Variants in CD1B observed in about 807,000 individuals in gnomAD.
CD1B encodes T-cell surface glycoprotein CD1b.
CD1B carries 43 observed loss-of-function variants against 39.8 expected under a neutral mutation model. That is an observed-to-expected ratio of 1.08 (90% confidence interval 0.85 to 1.39). The LOEUF (loss-of-function observed/expected upper bound fraction) is 1.39. Among genes scored for constraint, CD1B ranks in the 40% most tolerant of loss-of-function variants. The pLI is 0.00. For missense variants in CD1B, 495 were observed against 403.8 expected (o/e 1.23, Z -1.94); for synonymous variants, 192 against 152.5 (o/e 1.26, Z -1.91).
chr1:158,309,535 T>C, the CD1B span, among the ~76,000 whole-genome samples: 1 of 152,172 alleles, frequency 6.6e-6, no homozygotes, highest in African/African-American at 2.4e-5. Flanking sequence ...TGCACACATA[T>C]GTTTATTGAG....
At chr1:158,296,487 C>T in the CD1B span, among the ~76,000 whole-genome samples, 1 of 152,162 alleles carries the variant, frequency 6.6e-6, no homozygotes, top group Non-Finnish European at 1.5e-5. Flanking sequence ...AACATCAGCC[C>T]ACATAGATGA....
the CD1B span, among the ~76,000 whole-genome samples, chr1:158,304,438 A>T: frequency 5.3e-5 from 8 of 152,280 alleles, no homozygotes; most frequent in East Asian, 9.7e-4. Flanking sequence ...AACAAAGGCC[A>T]GGAAGCTCGA....
At chr1:158,315,121 G>A in the CD1B span, among the ~76,000 whole-genome samples, 29 of 152,008 alleles carry the variant, frequency 1.9e-4, 1 homozygote, top group South Asian at 5.0e-3. Context: ...AAACACACGT[G>A]TGCATGTGTC....
At chr1:158,298,920 G>A in the CD1B span, among the ~76,000 whole-genome samples, 1 of 152,150 alleles carries the variant, frequency 6.6e-6, no homozygotes, top group South Asian at 2.1e-4. Flanking sequence ...TTTGGGCTGA[G>A]GTGATGGGGT....
chr1:158,300,951 G>C, the CD1B span, among the ~76,000 whole-genome samples: 1 of 151,362 alleles, frequency 6.6e-6, no homozygotes, highest in Non-Finnish European at 1.5e-5. Flanking sequence ...ATATAGATGG[G>C]GTTTCACCAT....
At position 158,328,200 on chromosome 1, in the gene CD1B, A is replaced by G; in HGVS notation, c.*36T>C. 6.4e-7 allele frequency: 1 copy of G among 1,568,176 alleles called. No individual in the cohort carries two copies. Among genetic ancestry groups the G allele is most frequent in the Non-Finnish European group, 8.8e-7 (1 of 1,140,570 alleles). On this transcript the variant is annotated 3_prime_UTR_variant, in exon 6 of 6. Transcript: ENST00000368168. ...GGGCTGATATCTTGGGCTTCTTGGT[A>G]CTTATTGCGAATGGGAGAGGAGACA... is the stretch of plus-strand genomic sequence containing the variant.
the CD1B span, among the ~76,000 whole-genome samples, chr1:158,312,895 G>T: frequency 6.6e-6 from 1 of 152,128 alleles, no homozygotes; most frequent in Non-Finnish European, 1.5e-5. Flanking sequence ...TTGACTAGAA[G>T]TAGTGAAAGT....
chr1:158,292,922 G>C, the CD1B span: 1 of 1,581,550 alleles, frequency 6.3e-7, no homozygotes, highest in Non-Finnish European at 8.6e-7. Flanking sequence ...TGAGCCTAGA[G>C]GTTAGGGGAG....
At chr1:158,292,496 G>T in the CD1B span, 181 of 1,489,564 alleles carry the variant, frequency 1.2e-4, no homozygotes, top group Non-Finnish European at 1.5e-4. Flanking sequence ...TTTCTTAGAG[G>T]CAGGAAAAAG....
At chr1:158,313,355 A>T in the CD1B span, among the ~76,000 whole-genome samples, 1 of 152,110 alleles carries the variant, frequency 6.6e-6, no homozygotes, top group Non-Finnish European at 1.5e-5. Context: ...CTGTCACCCA[A>T]GCTGGAGTGC....
At chr1:158,314,539 AC>A in the CD1B span, among the ~76,000 whole-genome samples, 13 of 152,188 alleles carry the variant, frequency 8.5e-5, no homozygotes, top group Non-Finnish European at 1.5e-4. Flanking sequence ...TCCTTGAGCA[AC>A]ATGAGGTTAT....
At chr1:158,313,341 C>T in the CD1B span, among the ~76,000 whole-genome samples, 10 of 152,076 alleles carry the variant, frequency 6.6e-5, no homozygotes, top group Non-Finnish European at 1.5e-4. Flanking sequence ...GAAAGTGTCT[C>T]ACTCTGTCAC....
At position 158,331,509 on chromosome 1, in the gene CD1B, A is replaced by C; in HGVS notation, c.-86T>G. On this transcript the variant is annotated 5_prime_UTR_variant, in exon 1 of 6. Coordinates refer to ENST00000368168, the MANE Select transcript of CD1B (RefSeq NM_001764.3). Reference sequence around the variant, plus strand: ...AGCTTTTCCTCAGTACCCTGTAGTGACTTCTTCTCTCTTCCAACTGCCAAA... The same window carrying C: ...AGCTTTTCCTCAGTACCCTGTAGTGCCTTCTTCTCTCTTCCAACTGCCAAA... 9.2e-7 allele frequency: 1 copy of C among 1,083,794 alleles called. No homozygotes were observed. Among genetic ancestry groups the C allele is most frequent in the East Asian group, 2.5e-5 (1 of 40,508 alleles). 67.1% of individuals were successfully genotyped at this position (1,083,794 alleles called of 1,614,324 possible).
chr1:158,307,151 T>C, the CD1B span, among the ~76,000 whole-genome samples: 1 of 152,110 alleles, frequency 6.6e-6, no homozygotes. Context: ...AGCTGCTTTT[T>C]TGAAAAGATC....
chr1:158,289,994 G>A, the CD1B span: 9 of 1,399,714 alleles, frequency 6.4e-6, no homozygotes, highest in East Asian at 2.1e-4. Context: ...TATAGGTACA[G>A]AGGGATAAGT....
At chr1:158,327,214 G>A (rs1652387879), downstream of CD1B, among the ~76,000 whole-genome samples, 1 of 152,098 alleles carries the variant, frequency 6.6e-6, no homozygotes, top group Non-Finnish European at 1.5e-5. Context: ...TAGCTACAGA[G>A]CACTGATTGG....
chr1:158,296,440 GC>G, the CD1B span, among the ~76,000 whole-genome samples: 3 of 152,050 alleles, frequency 2.0e-5, no homozygotes, highest in African/African-American at 7.2e-5. Flanking sequence ...AAAGCAAAAG[GC>G]CCCATCAAAA....
At chr1:158,308,191 A>G in the CD1B span, among the ~76,000 whole-genome samples, 2 of 152,172 alleles carry the variant, frequency 1.3e-5, no homozygotes, top group South Asian at 2.1e-4. Context: ...CACACCAGTA[A>G]CAGACAGAGA....
At chr1:158,327,685 G>T (rs1163191139), downstream of CD1B, among the ~76,000 whole-genome samples, 2 of 152,184 alleles carry the variant, frequency 1.3e-5, no homozygotes, top group East Asian at 3.8e-4. Context: ...CCAATGCTGT[G>T]AGTAAAGTGT....
Sources: allele counts gnomAD v4.1 joint callset (sites outside exome capture counted in the v4.1 genomes callset), GRCh38; gene constraint gnomAD v4.1.1; transcripts MANE v1.5; gene names NCBI Gene and HGNC (gene_info 2026-07-23, HGNC 2026-07-21).